The following PAPSS1 variants were observed in gnomAD, a reference collection of about 807,000 sequenced individuals.
The protein encoded by PAPSS1 is bifunctional 3'-phosphoadenosine 5'-phosphosulfate synthase 1.
Under a neutral mutation model 72.0 loss-of-function variants are expected in PAPSS1, and 50 were observed. That is an observed-to-expected ratio of 0.69 (90% confidence interval 0.55 to 0.88). PAPSS1 has a LOEUF of 0.88. Among genes scored for constraint, PAPSS1 ranks in the 40% least tolerant of loss-of-function variants. PAPSS1 has a pLI of 0.00. For missense variants in PAPSS1, 657 were observed against 782.2 expected (o/e 0.84, Z 1.91); for synonymous variants, 261 against 263.6 (o/e 0.99, Z 0.09).
rs555563762 is a variant in PAPSS1 at position 107,645,469 on chromosome 4, C to A, written c.1238-399G>T. ...CCACCAGATCAATCCCTCCAAACGACCTAATATAATGCTTTACTAAGGGAG... is the reference window on the plus strand; with the variant it reads ...CCACCAGATCAATCCCTCCAAACGAACTAATATAATGCTTTACTAAGGGAG... On this transcript the variant is annotated intron_variant, in intron 9 of 11. Coordinates refer to ENST00000265174, the MANE Select transcript of PAPSS1 (RefSeq NM_005443.5). Among the ~76,000 whole-genome samples the A allele has an allele frequency of 2.8e-4, 42 of 152,250 alleles. 1 individual carries two copies. The highest frequency in any genetic ancestry group is 5.3e-4 in the Non-Finnish European group (36 of 68,018).
At chr4:107,694,195 G>C (rs1723011370) in intron 2 of PAPSS1, 189 bp from the exon 3 acceptor site, 1 of 549,704 alleles carries the variant, frequency 1.8e-6, no homozygotes, top group South Asian at 2.5e-5. Flanking sequence ...CAAATAGCTA[G>C]GACAACAGGC....
At chr4:107,719,750 A>C in intron 1 of PAPSS1, 1 of 1,044,644 alleles carries the variant, frequency 9.6e-7, no homozygotes, top group Admixed American at 5.6e-5. Context: ...CAAGGTATGC[A>C]GGAAGCTCCT....
chr4:107,675,953 A>G (rs1727632318), intron 5 of PAPSS1, among the ~76,000 whole-genome samples: 1 of 152,244 alleles, frequency 6.6e-6, no homozygotes, highest in South Asian at 2.1e-4. Flanking sequence ...CTCTCAAGAG[A>G]TGCAGAAAAG....
In PAPSS1 at chr4:107,659,243, A is replaced by C. The variant is rs149569375; in HGVS notation, c.783+716T>G. The stretch of plus-strand genomic sequence containing the variant: ...TTACTCCCATCAGGGATTTGGTAAC[A>C]ACTTAAAGAGTCTTTCATCAAGCCT... On this transcript the variant is annotated intron_variant, in intron 6 of 11. Coordinates refer to ENST00000265174, the MANE Select transcript of PAPSS1 (RefSeq NM_005443.5). Among the ~76,000 whole-genome samples the C allele has an allele frequency of 7.9e-5, 12 of 152,328 alleles. No homozygotes were observed. In the East Asian group the frequency reaches 2.3e-3, roughly 29 times the overall value.
chr4:107,642,486 A>C (rs1287709176), intron 10 of PAPSS1, among the ~76,000 whole-genome samples: 2 of 152,106 alleles, frequency 1.3e-5, no homozygotes, highest in Non-Finnish European at 2.9e-5. Flanking sequence ...AAGTTATAAA[A>C]CCTAACATAA....
chr4:107,701,407 G>GTTT, intron 1 of PAPSS1, 122 bp from the exon 2 acceptor site: 7 of 505,748 alleles, frequency 1.4e-5, no homozygotes, highest in South Asian at 5.7e-5. Flanking sequence ...AGATAAAACA[G>GTTT]TTTTTTTTTT....
chr4:107,678,492 G>A lies in PAPSS1; in HGVS notation c.669+3523C>T, dbSNP rs149155872. 3.9e-3 allele frequency among the ~76,000 whole-genome samples: 592 copies of A among 152,180 alleles called. 6 individuals are homozygous for A. Among genetic ancestry groups the A allele is most frequent in the African/African-American group, 0.013 (550 of 41,528 alleles). On this transcript the variant is annotated intron_variant, in intron 5 of 11. Coordinates refer to ENST00000265174, the MANE Select transcript of PAPSS1 (RefSeq NM_005443.5). Reference sequence around the variant, plus strand: ...AAAAGCAGTGAGATGAACTGCTTCCGAAGAGTGACAAGTCCCACCAAGAAA... The same window carrying A: ...AAAAGCAGTGAGATGAACTGCTTCCAAAGAGTGACAAGTCCCACCAAGAAA...
chr4:107,682,774 A>C (rs1456492863), intron 4 of PAPSS1, among the ~76,000 whole-genome samples: 1 of 152,234 alleles, frequency 6.6e-6, no homozygotes, highest in Non-Finnish European at 1.5e-5. Flanking sequence ...ACACTAAGTC[A>C]ATCTGTCCAG....
chr4:107,677,862 G>A (rs1268993225), intron 5 of PAPSS1, among the ~76,000 whole-genome samples: 1 of 152,158 alleles, frequency 6.6e-6, no homozygotes, highest in East Asian at 1.9e-4. Flanking sequence ...AGTCATAAAA[G>A]ATGATGAGTT....
chr4:107,705,327 G>T (rs1205371518), intron 1 of PAPSS1, among the ~76,000 whole-genome samples: 1 of 152,210 alleles, frequency 6.6e-6, no homozygotes, highest in African/African-American at 2.4e-5. Context: ...ATCAGATCAT[G>T]GGGGTGCTTT....
At chr4:107,717,820 T>C (rs1055663512) in intron 1 of PAPSS1, among the ~76,000 whole-genome samples, 1 of 152,128 alleles carries the variant, frequency 6.6e-6, no homozygotes, top group Non-Finnish European at 1.5e-5. Flanking sequence ...TCTTCTAACA[T>C]TCCTCCCTTT....
chr4:107,681,061 C>A (rs772800664), intron 5 of PAPSS1, among the ~76,000 whole-genome samples: 2 of 151,816 alleles, frequency 1.3e-5, no homozygotes, highest in African/African-American at 2.4e-5. Flanking sequence ...TATATTCAGA[C>A]AAAGAAATTT....
intron 2 of PAPSS1, among the ~76,000 whole-genome samples, chr4:107,694,891 A>G (rs1026621119): frequency 6.6e-6 from 1 of 152,210 alleles, no homozygotes; most frequent in Non-Finnish European, 1.5e-5. Flanking sequence ...ATAAAATACT[A>G]AAGTCTAATG....
intron 1 of PAPSS1, among the ~76,000 whole-genome samples, chr4:107,717,187 A>T (rs1255646152): frequency 6.6e-6 from 1 of 152,178 alleles, no homozygotes; most frequent in Non-Finnish European, 1.5e-5. Context: ...GGGATATAGT[A>T]GGTTAAATAT....
intron 11 of PAPSS1, among the ~76,000 whole-genome samples, chr4:107,620,078 T>A (rs1013052920): frequency 6.6e-6 from 1 of 152,222 alleles, no homozygotes; most frequent in African/African-American, 2.4e-5. Flanking sequence ...GTTGCTCACA[T>A]GGACAAGAGC....
intron 11 of PAPSS1, among the ~76,000 whole-genome samples, chr4:107,622,884 G>T (rs942456134): frequency 1.3e-4 from 20 of 152,202 alleles, no homozygotes; most frequent in African/African-American, 4.8e-4. Flanking sequence ...TTACAAAAGA[G>T]GATACTGAAC....
At chr4:107,632,840 A>C (rs1340290226) in intron 10 of PAPSS1, among the ~76,000 whole-genome samples, 1 of 152,216 alleles carries the variant, frequency 6.6e-6, no homozygotes, top group Admixed American at 6.5e-5. Flanking sequence ...TCACTGTTCC[A>C]TATTAAAATA....
chr4:107,706,416 G>A (rs1560592194), intron 1 of PAPSS1, among the ~76,000 whole-genome samples: 1 of 151,738 alleles, frequency 6.6e-6, no homozygotes, highest in Non-Finnish European at 1.5e-5. Context: ...GCTCTCTATT[G>A]CATTTTTCAT....
rs1310252614 is a variant in PAPSS1, at chr4:107,693,765, A to G, written c.411+6T>C. ...GCAGAAAGGCAATGGCACAAAAACC[A>G]CATACCTGAGTGTAAGGTGATATGA... On this transcript the variant is annotated splice_donor_region_variant and intron_variant, in intron 3 of 11. Coordinates refer to ENST00000265174, the MANE Select transcript of PAPSS1 (RefSeq NM_005443.5). 3 of 1,601,290 alleles carry G rather than the reference A, an allele frequency of 1.9e-6. No individual in the cohort carries two copies. The highest frequency in any genetic ancestry group is 2.7e-5 in the African/African-American group (2 of 74,786).
Sources: gnomAD v4.1 joint callset for allele counts (sites outside exome capture counted in the v4.1 genomes callset) on GRCh38, gnomAD v4.1.1 for gene constraint, MANE v1.5 for transcripts, NCBI Gene and HGNC (gene_info 2026-07-23, HGNC 2026-07-21) for gene names.